NFE2L3: variants seen among roughly 807,000 people sequenced by gnomAD.
NFE2L3 encodes NFE2 like bZIP transcription factor 3.
NFE2L3 carries 18 observed loss-of-function variants against 23.5 expected under a neutral mutation model. The observed-to-expected ratio is 0.77, with a 90% CI of 0.53 to 1.13. The LOEUF is 1.13. Among genes scored for constraint, NFE2L3 ranks in the 50% most tolerant of loss-of-function variants. The pLI, the probability that NFE2L3 is intolerant of heterozygous loss-of-function variation, is 0.00. For missense variants in NFE2L3, 1,152 were observed against 877.2 expected (o/e 1.31, Z -3.96); for synonymous variants, 424 against 354.5 (o/e 1.20, Z -2.20).
chr7:26,172,724 G>A (rs1784344340), intron 1 of NFE2L3, among the ~76,000 whole-genome samples: 1 of 152,172 alleles, frequency 6.6e-6, no homozygotes, highest in African/African-American at 2.4e-5. Flanking sequence ...AATTTTTGGT[G>A]AGAAAATCAC....
At chr7:26,175,548 C>T (rs1023149875) in intron 1 of NFE2L3, among the ~76,000 whole-genome samples, 20 of 152,136 alleles carry the variant, frequency 1.3e-4, no homozygotes, top group Admixed American at 2.0e-4. Flanking sequence ...GAGGCCGAGG[C>T]GGGCGGATCA....
At position 26,177,948 on chromosome 7, in the gene NFE2L3, T is replaced by C. The variant is rs778354494; in HGVS notation, c.576T>C (p.Asn192=). 2 of 1,611,452 alleles carry C rather than the reference T, an allele frequency of 1.2e-6. No homozygotes were observed. The highest frequency in any genetic ancestry group is 1.7e-6 in the Non-Finnish European group (2 of 1,179,246). The stretch of plus-strand genomic sequence containing the variant: ...GAAATTTCGTACTTTTATAGGAGAA[T>C]GGGGTACTAAGAGAAAAGCACGAAG... ...PDAGGCASEE[N]GVLREKHEAV... Residue 192 remains asparagine (N), a synonymous_variant, in exon 2 of 4, where the codon AAT becomes AAC. Coordinates refer to ENST00000056233, the MANE Select transcript of NFE2L3 (RefSeq NM_004289.7).
chr7:26,165,388 T>G (rs374620684), intron 1 of NFE2L3, among the ~76,000 whole-genome samples: 24 of 152,280 alleles, frequency 1.6e-4, no homozygotes, highest in African/African-American at 4.6e-4. Flanking sequence ...TGGATTCCTA[T>G]GTATTTTATT....
In NFE2L3 at chr7:26,184,711, C is replaced by CACA. The variant is rs1782434949; in HGVS notation, c.1015_1017dup (p.Gln339dup). The stretch of plus-strand genomic sequence containing the variant: ...GATCCAACAGCAAGGACTTCACAGT[C>CACA]ACAAGAACCATTTCTGCAGTTAAAT... On this transcript the variant is annotated inframe_insertion, in exon 4 of 4. Coordinates refer to ENST00000056233, the MANE Select transcript of NFE2L3 (RefSeq NM_004289.7). 6.2e-7 allele frequency: 1 copy of CACA among 1,613,786 alleles called. No homozygotes were observed. Among genetic ancestry groups the CACA allele is most frequent in the African/African-American group, 1.3e-5 (1 of 74,924 alleles).
chr7:26,184,150 C>T (rs1782412701), intron 3 of NFE2L3: 2 of 330,050 alleles, frequency 6.1e-6, no homozygotes, highest in Non-Finnish European at 1.1e-5. Context: ...GGCATTTAAA[C>T]AGCCTCTCTC....
intron 1 of NFE2L3, among the ~76,000 whole-genome samples, chr7:26,165,284 T>C (rs1052814279): frequency 2.0e-5 from 3 of 152,252 alleles, no homozygotes; most frequent in African/African-American, 7.2e-5. Flanking sequence ...CCCATGAGCA[T>C]GGAATGTTCT....
chr7:26,172,762 G>A (rs1171796597), intron 1 of NFE2L3, among the ~76,000 whole-genome samples: 2 of 152,190 alleles, frequency 1.3e-5, no homozygotes, highest in Admixed American at 6.5e-5. Context: ...CTCCATATCA[G>A]GAGACCACGA....
chr7:26,170,390 TCAC>T (rs747604517), intron 1 of NFE2L3, among the ~76,000 whole-genome samples: 3 of 152,178 alleles, frequency 2.0e-5, no homozygotes, highest in Non-Finnish European at 2.9e-5. Flanking sequence ...ATCTTCATAT[TCAC>T]CCCCTCGTTT....
chr7:26,160,526 T>C (rs1160275614), intron 1 of NFE2L3, among the ~76,000 whole-genome samples: 1 of 152,212 alleles, frequency 6.6e-6, no homozygotes, highest in Admixed American at 6.5e-5. Flanking sequence ...GATGATATAA[T>C]TGGGAAGGCT....
chr7:26,152,779 A>C lies in NFE2L3; in HGVS notation c.281A>C (p.Glu94Ala), dbSNP rs899206886. 4.0e-6 allele frequency: 6 copies of C among 1,484,456 alleles called. No homozygotes were observed. Among genetic ancestry groups the C allele is most frequent in the Non-Finnish European group, 5.3e-6 (6 of 1,125,086 alleles). 92.0% of individuals were successfully genotyped at this position (1,484,456 alleles called of 1,614,324 possible). A position where few individuals can be genotyped will look rare whatever the true frequency, so the allele number is the denominator to read the frequency against. ...AAPPEGQLLR[E>A]VRALGVPFVP... ...CCGCCCGAGGGCCAGCTGCTCCGGG[A>C]GGTGCGCGCGCTCGGGGTCCCCTTC... Residue 94 changes from glutamate to alanine, a missense_variant, in exon 1 of 4, where the codon GAG becomes GCG. By Grantham distance (107) the Glu-to-Ala change is moderately radical. Coordinates refer to ENST00000056233, the MANE Select transcript of NFE2L3 (RefSeq NM_004289.7). This position sits in a 1 kb window ranked among gnomAD's most constrained non-coding sequence, Gnocchi z 4.4.
chr7:26,178,428 G>A (rs1479668211), intron 2 of NFE2L3, among the ~76,000 whole-genome samples: 1 of 152,126 alleles, frequency 6.6e-6, no homozygotes, highest in Non-Finnish European at 1.5e-5. Context: ...GAAGAAATGG[G>A]GAACCTAGGA....
chr7:26,162,860 G>A (rs746755745), intron 1 of NFE2L3, among the ~76,000 whole-genome samples: 5 of 151,882 alleles, frequency 3.3e-5, no homozygotes, highest in Admixed American at 1.3e-4. Context: ...TTACAGGTGC[G>A]CACCACCACG....
chr7:26,175,401 C>A, intron 1 of NFE2L3, among the ~76,000 whole-genome samples: 1 of 151,828 alleles, frequency 6.6e-6, no homozygotes, highest in East Asian at 1.9e-4. Context: ...AAAATATTCA[C>A]AGTTATAGAC....
chr7:26,176,281 A>G (rs1189666384), intron 1 of NFE2L3, among the ~76,000 whole-genome samples: 1 of 152,062 alleles, frequency 6.6e-6, no homozygotes, highest in Non-Finnish European at 1.5e-5. Flanking sequence ...CACAGTAACA[A>G]TCTGATCTCT....
In NFE2L3 at chr7:26,152,854, G is replaced by C. The variant is rs1364861301; in HGVS notation, c.356G>C (p.Gly119Ala). The change falls in exon 1 of 4, where the codon GGG becomes GCG. Residue 119 changes from glycine to alanine, a missense_variant. Coordinates refer to ENST00000056233, the MANE Select transcript of NFE2L3 (RefSeq NM_004289.7). This position sits in a 1 kb window ranked among gnomAD's most constrained non-coding sequence, Gnocchi z 4.4. ...DAWLVHSVAA[G>A]SADEAHGLLG... ...TGGCTGGTGCACAGCGTGGCTGCCG[G>C]GAGCGCGGACGAGGCCCACGGGCTG... 6.8e-7 allele frequency: 1 copy of C among 1,472,976 alleles called. No homozygotes were observed. Among genetic ancestry groups the C allele is most frequent in the African/African-American group, 1.5e-5 (1 of 68,114 alleles). 91.2% of individuals were successfully genotyped at this position (1,472,976 alleles called of 1,614,324 possible).
chr7:26,183,875 G>A lies in NFE2L3; in HGVS notation c.834+91G>A, dbSNP rs145614757. ...ACAACTCCTTTACTTGGATGACACA[G>A]CAGTTTAAAGTAATGCTTATTTTTA... is the stretch of plus-strand genomic sequence containing the variant. On this transcript the variant is annotated intron_variant, in intron 3 of 3. Transcript: ENST00000056233. 50 of 834,606 alleles carry A rather than the reference G, an allele frequency of 6.0e-5. No homozygotes were observed. The African/African-American group carries it at 6.6e-4, about 11-fold the overall frequency. 51.7% of individuals were successfully genotyped at this position (834,606 alleles called of 1,614,324 possible). A position where few individuals can be genotyped will look rare whatever the true frequency, so the allele number is the denominator to read the frequency against.
intron 1 of NFE2L3, among the ~76,000 whole-genome samples, chr7:26,155,114 G>A (rs982919241): frequency 4.6e-4 from 70 of 152,190 alleles, no homozygotes; most frequent in African/African-American, 1.7e-3. Flanking sequence ...CTTGTGTGGT[G>A]CACTGGCCAG....
rs1427509371 is a variant in NFE2L3, at chr7:26,180,606, T to C, written c.750+2484T>C. Among the ~76,000 whole-genome samples, 6 of 152,360 alleles carry C rather than the reference T, an allele frequency of 3.9e-5. No homozygotes were observed. The East Asian group carries it at 1.2e-3, about 29-fold the overall frequency. On this transcript the variant is annotated intron_variant, in intron 2 of 3. Transcript: ENST00000056233. The stretch of plus-strand genomic sequence containing the variant: ...GAGGGAAAAGATGTTTTCACTAGTC[T>C]TTCACTTATTTAACACTGAATTGTA...
chr7:26,175,843 ATTTTC>A (rs894700713), intron 1 of NFE2L3, among the ~76,000 whole-genome samples: 6 of 138,594 alleles, frequency 4.3e-5, no homozygotes, highest in South Asian at 2.3e-4. Flanking sequence ...TGTTTGATCA[ATTTTC>A]TTTTCTTTTT....
Sources: allele counts gnomAD v4.1 joint callset (sites outside exome capture counted in the v4.1 genomes callset), GRCh38; gene constraint gnomAD v4.1.1; non-coding constraint Gnocchi (gnomAD v3.1); transcripts MANE v1.5; gene names NCBI Gene and HGNC (gene_info 2026-07-23, HGNC 2026-07-21).